Variants in PTPN3 observed in about 807,000 individuals in gnomAD.
PTPN3 encodes the protein tyrosine-protein phosphatase non-receptor type 3.
A neutral mutation model predicts 132.7 loss-of-function variants in PTPN3; 96 were observed. The observed-to-expected ratio is 0.72, with a 90% confidence interval of 0.61 to 0.86. The LOEUF (loss-of-function observed/expected upper bound fraction) is 0.86. Ranked by LOEUF, PTPN3 falls within the 40% of genes least tolerant of loss-of-function variation. The pLI is 0.00. For synonymous variants in PTPN3, 398 were observed against 429.0 expected, an observed-to-expected ratio of 0.93 and a Z score of 0.89; for missense variants, 1,125 against 1,159.6, an observed-to-expected ratio of 0.97 and a Z score of 0.43.
intron 14 of PTPN3, among the ~76,000 whole-genome samples, chr9:109,413,072 T>C (rs916389739): frequency 2.6e-5 from 4 of 151,796 alleles, no homozygotes; most frequent in Non-Finnish European, 5.9e-5. Flanking sequence ...CAGTCTCCCA[T>C]GTAGCTGGGA....
At chr9:109,385,210 T>C (rs750152156) in intron 22 of PTPN3, among the ~76,000 whole-genome samples, 6 of 152,240 alleles carry the variant, frequency 3.9e-5, no homozygotes, top group Non-Finnish European at 5.9e-5. Context: ...CAGTTCAATT[T>C]GGATCTGGAA....
chr9:109,426,013 CA>C (rs71372567), intron 12 of PTPN3, among the ~76,000 whole-genome samples: 877 of 51,154 alleles, frequency 0.017, 3 homozygotes, highest in African/African-American at 0.045. Context: ...GACTCCATCT[CA>C]AAAAAAAAAA....
intron 1 of PTPN3, among the ~76,000 whole-genome samples, chr9:109,479,587 A>G (rs781448376): frequency 2.6e-5 from 4 of 152,142 alleles, no homozygotes; most frequent in Admixed American, 1.3e-4. Context: ...GCTTTTTAAA[A>G]TTTTTTTGAG....
At chr9:109,424,766 T>A (rs1843121550) in intron 12 of PTPN3, among the ~76,000 whole-genome samples, 2 of 152,188 alleles carry the variant, frequency 1.3e-5, no homozygotes, top group South Asian at 4.1e-4. Flanking sequence ...GCCAAGCCCT[T>A]CTAGGATTCC....
At chr9:109,390,316 T>C (rs768375994) in intron 21 of PTPN3, among the ~76,000 whole-genome samples, 19 of 152,202 alleles carry the variant, frequency 1.2e-4, no homozygotes, top group Non-Finnish European at 2.1e-4. Flanking sequence ...ATCTGTCTAT[T>C]TAGGAGTTGG....
At chr9:109,443,500 C>T (rs542028347) in intron 7 of PTPN3, among the ~76,000 whole-genome samples, 1 of 152,258 alleles carries the variant, frequency 6.6e-6, no homozygotes, top group South Asian at 2.1e-4. Context: ...CGTGAGCCAC[C>T]ACACCTGGCC....
chr9:109,455,180 ATTAAGTTAG>A (rs1385004972), intron 4 of PTPN3, among the ~76,000 whole-genome samples: 2 of 152,264 alleles, frequency 1.3e-5, no homozygotes, highest in East Asian at 3.8e-4. Context: ...TGTAAAGTAT[ATTAAGTTAG>A]TATACTAGTA....
At chr9:109,392,403 T>C (rs922318983) in intron 19 of PTPN3, among the ~76,000 whole-genome samples, 2 of 152,136 alleles carry the variant, frequency 1.3e-5, no homozygotes, top group Non-Finnish European at 1.5e-5. Context: ...GCGGAAAATT[T>C]GGGAAATTCA....
chr9:109,464,448 G>A (rs542538726), intron 1 of PTPN3, among the ~76,000 whole-genome samples: 8 of 152,186 alleles, frequency 5.3e-5, no homozygotes, highest in East Asian at 1.9e-4. Flanking sequence ...ACTACCTTTC[G>A]GGTACTATGC....
intron 5 of PTPN3, among the ~76,000 whole-genome samples, chr9:109,452,953 C>T (rs1033984991): frequency 9.9e-5 from 15 of 152,128 alleles, no homozygotes; most frequent in East Asian, 3.9e-4. Flanking sequence ...GCTCTGTGTC[C>T]GTCAGCTTAT....
intron 2 of PTPN3, 24 bp downstream of exon 2, chr9:109,463,273 A>C: frequency 1.6e-6 from 1 of 610,522 alleles, no homozygotes; most frequent in Non-Finnish European, 2.3e-6. Flanking sequence ...CAGGAAAAGT[A>C]AAAAAAAAAA....
In PTPN3 at chr9:109,404,566, T is replaced by C; in HGVS notation, c.1835A>G (p.Asn612Ser). 6.4e-7 allele frequency: 1 copy of C among 1,564,446 alleles called. No homozygotes were observed. The highest frequency in any genetic ancestry group is 8.7e-7 in the Non-Finnish European group (1 of 1,147,056). Residue 612 changes from asparagine (N) to serine (S), a missense_variant, in exon 19 of 26, where the codon AAC becomes AGC. Transcript: ENST00000374541. ...FADFKSEDEL[N>S]QLFPEAIFPM... ...GAAAATGGCTTCGGGGAAAAGCTGG[T>C]TCAGTTCATCTTCAGACTTGAAGTC...
upstream of PTPN3, among the ~76,000 whole-genome samples, chr9:109,500,035 C>T (rs1424498624): frequency 6.6e-6 from 1 of 152,256 alleles, no homozygotes; most frequent in African/African-American, 2.4e-5. Flanking sequence ...CCCAGCGCCC[C>T]CGGGCTCAGC....
At chr9:109,466,529 G>C (rs1160692503) in intron 1 of PTPN3, among the ~76,000 whole-genome samples, 1 of 152,220 alleles carries the variant, frequency 6.6e-6, no homozygotes, top group African/African-American at 2.4e-5. Flanking sequence ...AGGGGAGACA[G>C]ATGTCCCATA....
chr9:109,433,742 C>G (rs993341599), intron 9 of PTPN3, among the ~76,000 whole-genome samples: 1 of 151,862 alleles, frequency 6.6e-6, no homozygotes, highest in Non-Finnish European at 1.5e-5. Flanking sequence ...TCTGTCTCTA[C>G]AAAACAATAC....
the PTPN3 span, among the ~76,000 whole-genome samples, chr9:109,505,041 C>A: frequency 6.6e-6 from 1 of 152,150 alleles, no homozygotes; most frequent in South Asian, 2.1e-4. Flanking sequence ...CTTTGAAAAA[C>A]CAGCAGTGAT....
At chr9:109,432,846 T>A (rs1000261713) in intron 10 of PTPN3, among the ~76,000 whole-genome samples, 4 of 152,128 alleles carry the variant, frequency 2.6e-5, no homozygotes, top group African/African-American at 9.7e-5. Context: ...GTTTCCAGAG[T>A]ATCCCAAACC....
intron 11 of PTPN3, among the ~76,000 whole-genome samples, chr9:109,427,387 T>C (rs146688971): frequency 0.026 from 3,893 of 152,330 alleles, 78 homozygotes; most frequent in Non-Finnish European, 0.043. Context: ...TTCAAATCTA[T>C]TTACATTTCT....
In PTPN3 at chr9:109,389,201, C is replaced by A. The variant is rs201173215; in HGVS notation, c.2253+32G>T. Reference sequence around the variant, plus strand: ...TTACACAGAGTAGGGTGTGACACTGCACACATCTGAATTAGAAATCAAGCT... The same window carrying A: ...TTACACAGAGTAGGGTGTGACACTGAACACATCTGAATTAGAAATCAAGCT... On this transcript the variant is annotated intron_variant, in intron 22 of 25. Transcript: ENST00000374541. 684 of 1,611,436 alleles carry A rather than the reference C, an allele frequency of 4.2e-4. 7 individuals carry two copies. Among genetic ancestry groups the A allele is most frequent in the Middle Eastern group, 1.2e-3 (7 of 6,044 alleles).
Sources: allele counts gnomAD v4.1 joint callset (sites outside exome capture counted in the v4.1 genomes callset), GRCh38; gene constraint gnomAD v4.1.1; transcripts MANE v1.5; gene names NCBI Gene and HGNC (gene_info 2026-07-23, HGNC 2026-07-21).